ARHGEF2: variants seen among roughly 807,000 people sequenced by gnomAD.
The protein encoded by ARHGEF2 is Rho/Rac guanine nucleotide exchange factor 2.
ARHGEF2 carries 22 observed loss-of-function variants against 121.0 expected under a neutral mutation model. The observed-to-expected ratio is 0.18, with a 90% confidence interval of 0.13 to 0.26. The LOEUF is 0.26. Among genes scored for constraint, ARHGEF2 ranks in the 10% least tolerant of loss-of-function variants. The pLI, the probability that ARHGEF2 is intolerant of heterozygous loss-of-function variation, is 1.00. For missense variants in ARHGEF2, 907 were observed against 1,336.0 expected (o/e 0.68, Z 5.01); for synonymous variants, 487 against 530.0 (o/e 0.92, Z 1.11).
rs1392425133 is a variant in ARHGEF2, at chr1:155,947,414, G to A, written c.*528C>T. ...GGAGAAAGGGAGAACAGCAGTAAGA[G>A]GTTGAGGGGAGAGGAGAAAGGGACA... On this transcript the variant is annotated 3_prime_UTR_variant, in exon 22 of 22. Coordinates refer to ENST00000361247, the MANE Select transcript of ARHGEF2 (RefSeq NM_001162383.2). 2.2e-6 allele frequency: 1 copy of A among 456,550 alleles called. No homozygotes were observed. The highest frequency in any genetic ancestry group is 4.4e-6 in the Non-Finnish European group (1 of 226,848). The allele number at this position is 456,550 out of a possible 1,614,324, so 28.3% of individuals were successfully genotyped here.
rs767608070 is a variant in ARHGEF2, at chr1:155,969,317, A to G, written c.64-17T>C. On this transcript the variant is annotated splice_polypyrimidine_tract_variant and intron_variant, in intron 1 of 21. Coordinates refer to ENST00000361247, the MANE Select transcript of ARHGEF2 (RefSeq NM_001162383.2). The stretch of plus-strand genomic sequence containing the variant: ...TTCCCGGGTCTGTGGAAGGGATGAG[A>G]GGGAGAGGAAGTGAGGCTGGAAAAT... 6.2e-7 allele frequency: 1 copy of G among 1,613,092 alleles called. No homozygotes were observed. The highest frequency in any genetic ancestry group is 8.5e-7 in the Non-Finnish European group (1 of 1,179,544).
At chr1:155,964,347 A>G (rs1678899340) in intron 7 of ARHGEF2, among the ~76,000 whole-genome samples, 1 of 150,674 alleles carries the variant, frequency 6.6e-6, no homozygotes, top group African/African-American at 2.4e-5. Flanking sequence ...GCCCAGTTCC[A>G]TTTTTTATCT....
upstream of ARHGEF2, chr1:155,978,603 A>G: frequency 7.9e-7 from 1 of 1,260,284 alleles, no homozygotes; most frequent in East Asian, 3.2e-5. The surrounding 1 kb of genome is among the most constrained non-coding windows in gnomAD (Gnocchi z 4.1). Context: ...CCCCCGCCCA[A>G]GCTCAGGAAG....
In ARHGEF2 at chr1:155,951,936, A is replaced by G; in HGVS notation, c.2155T>C (p.Ser719Pro). 1 of 1,614,090 alleles carries G rather than the reference A, an allele frequency of 6.2e-7. No homozygotes were observed. The highest frequency in any genetic ancestry group is 8.5e-7 in the Non-Finnish European group (1 of 1,180,000). The stretch of plus-strand genomic sequence containing the variant: ...GGACCTACCCTCTGGCTAGAGTCTG[A>G]GTCAGCTCTGCAGAGTTCAATGGAG... ...NGSIELCRAD[S>P]DSSQRDRNGN... is the part of the protein sequence containing the mutation. The change falls in exon 17 of 22, where the codon TCA becomes CCA. Residue 719 changes from serine (S) to proline (P), a missense_variant. Ser to Pro is a moderately conservative substitution (Grantham distance 74). Transcript: ENST00000361247. The surrounding 1 kb of genome is among the most constrained non-coding windows in gnomAD (Gnocchi z 5.1).
upstream of ARHGEF2, chr1:155,978,678 G>A (rs1215275516): frequency 3.9e-6 from 4 of 1,029,526 alleles, no homozygotes; most frequent in South Asian, 7.2e-5. This position sits in a 1 kb window ranked among gnomAD's most constrained non-coding sequence, Gnocchi z 4.1. Flanking sequence ...GGGTTTGTGT[G>A]GGGGCAGCTC....
At chr1:155,979,092 G>A (rs993453703), upstream of ARHGEF2, 5 of 985,520 alleles carry the variant, frequency 5.1e-6, no homozygotes, top group Non-Finnish European at 6.0e-6. Flanking sequence ...AGAACTAAAC[G>A]CTGGATCTTC....
chr1:155,978,413 T>C lies in ARHGEF2; in HGVS notation c.15A>G (p.Glu5=), dbSNP rs559072356. 31 of 1,514,872 alleles carry C rather than the reference T, an allele frequency of 2.0e-5. No individual in the cohort carries two copies. The East Asian group carries it at 3.1e-4, about 15-fold the overall frequency. 93.8% of individuals were successfully genotyped at this position (1,514,872 alleles called of 1,614,324 possible). The change falls in exon 1 of 22, where the codon GAA becomes GAG. Residue 5 remains glutamate, a synonymous_variant. Coordinates refer to ENST00000361247, the MANE Select transcript of ARHGEF2 (RefSeq NM_001162383.2). The surrounding 1 kb of genome is among the most constrained non-coding windows in gnomAD (Gnocchi z 4.1). MSRI[E]SLTRARIDRS... is the part of the protein sequence containing the mutation. ...GGTCGATCCGCGCCCGCGTGAGGGA[T>C]TCGATCCGAGACATAATCGGACGGG...
At chr1:155,966,759 A>G in intron 3 of ARHGEF2, 61 bp downstream of exon 3, 3 of 1,472,312 alleles carry the variant, frequency 2.0e-6, no homozygotes, top group Non-Finnish European at 9.5e-7. Context: ...TGGAAAAGGC[A>G]TGAGGGTACC....
At chr1:155,952,259 A>C (rs1557998222) in intron 15 of ARHGEF2, 24 bp from the exon 16 acceptor site, 1 of 1,613,436 alleles carries the variant, frequency 6.2e-7, no homozygotes, top group Non-Finnish European at 8.5e-7. Context: ...GGAAGAGGTG[A>C]GAACAGGAAT....
At position 155,956,534 on chromosome 1, in the gene ARHGEF2, A is replaced by G. The variant is rs1460672535; in HGVS notation, c.1715+1179T>C. On this transcript the variant is annotated intron_variant, in intron 13 of 21. Coordinates refer to ENST00000361247, the MANE Select transcript of ARHGEF2 (RefSeq NM_001162383.2). ...TGAAAGCTAAAGAAAAATTATAAAA[A>G]TCTTGGCTGGGCATGGTGGCTAATG... Among the ~76,000 whole-genome samples the G allele has an allele frequency of 2.6e-5, 4 of 152,260 alleles. No homozygotes were observed. The East Asian group carries it at 5.8e-4, about 22-fold the overall frequency.
chr1:155,971,256 A>G (rs1680397187), intron 1 of ARHGEF2, among the ~76,000 whole-genome samples: 2 of 152,050 alleles, frequency 1.3e-5, no homozygotes, highest in South Asian at 2.1e-4. Context: ...ACCTCCACCT[A>G]TCTTGCACCA....
chr1:155,963,639 C>T (rs376365531), intron 7 of ARHGEF2, among the ~76,000 whole-genome samples: 2 of 149,476 alleles, frequency 1.3e-5, no homozygotes. Context: ...CCACCACACC[C>T]GGCCCTCATT....
intron 1 of ARHGEF2, among the ~76,000 whole-genome samples, chr1:155,976,414 C>T (rs1277490496): frequency 1.3e-5 from 2 of 151,806 alleles, no homozygotes; most frequent in African/African-American, 4.8e-5. Context: ...GATCCACCCA[C>T]TCAGCCCCCG....
Position 155,963,063 on chromosome 1 carries a change from C to A in ARHGEF2, c.845G>T (p.Cys282Phe). Residue 282 changes from cysteine (C) to phenylalanine (F), a missense_variant, in exon 8 of 22, where the codon TGC becomes TTC. By Grantham distance (205) the Cys-to-Phe change is radical. Transcript: ENST00000361247. The part of the protein sequence containing the change: ...EPGVVQGLFP[C>F]VDELSDIHTR... Reference sequence around the variant, plus strand: ...ATGGATGTCACTGAGCTCGTCCACGCAGGGGAACAGGCCCTGGACCACTCC... The same window carrying A: ...ATGGATGTCACTGAGCTCGTCCACGAAGGGGAACAGGCCCTGGACCACTCC... 6.2e-7 allele frequency: 1 copy of A among 1,614,166 alleles called. No individual in the cohort carries two copies. The highest frequency in any genetic ancestry group is 8.5e-7 in the Non-Finnish European group (1 of 1,180,034).
chr1:155,949,656 A>G (rs938455812), intron 21 of ARHGEF2, among the ~76,000 whole-genome samples: 9 of 151,856 alleles, frequency 5.9e-5, no homozygotes, highest in South Asian at 2.1e-4. Context: ...AGACAGGTGG[A>G]TCGCGAGGTC....
chr1:155,959,434 G>T (rs1007083867), intron 11 of ARHGEF2, among the ~76,000 whole-genome samples: 8 of 152,056 alleles, frequency 5.3e-5, no homozygotes, highest in Non-Finnish European at 1.2e-4. Flanking sequence ...TTTTTGTAGA[G>T]ACGGGGTTTC....
chr1:155,974,412 C>T (rs539209628), intron 1 of ARHGEF2, among the ~76,000 whole-genome samples: 2 of 152,100 alleles, frequency 1.3e-5, no homozygotes, highest in South Asian at 2.1e-4. Flanking sequence ...GCAGAGGCGC[C>T]GTTGGCTATG....
chr1:155,965,600 T>C lies in ARHGEF2; in HGVS notation c.470+31A>G, dbSNP rs745478737. The C allele has an allele frequency of 6.2e-7, 1 of 1,612,252 alleles. No individual in the cohort carries two copies. The highest frequency in any genetic ancestry group is 8.5e-7 in the Non-Finnish European group (1 of 1,179,794). Reference sequence around the variant, plus strand: ...CCTTGGCCTCCACTGCCACACTCTCTGGCTGCCCCTTTCCCCAAACAGAGG... The same window carrying C: ...CCTTGGCCTCCACTGCCACACTCTCCGGCTGCCCCTTTCCCCAAACAGAGG... On this transcript the variant is annotated intron_variant, in intron 5 of 21. Transcript: ENST00000361247. This position sits in a 1 kb window ranked among gnomAD's most constrained non-coding sequence, Gnocchi z 6.0.
At chr1:155,957,577 C>T in intron 13 of ARHGEF2, 136 bp downstream of exon 13, 4 of 1,008,084 alleles carry the variant, frequency 4.0e-6, no homozygotes, top group Non-Finnish European at 5.6e-6. Flanking sequence ...CAGTCTTGGG[C>T]CATTTTGTCT....
Sources: gnomAD v4.1 joint callset for allele counts (sites outside exome capture counted in the v4.1 genomes callset) on GRCh38, gnomAD v4.1.1 for gene constraint, Gnocchi (gnomAD v3.1) non-coding constraint, MANE v1.5 for transcripts, NCBI Gene and HGNC (gene_info 2026-07-23, HGNC 2026-07-21) for gene names.